Variants in SSH2 observed in about 807,000 individuals in gnomAD.
The protein encoded by SSH2 is protein phosphatase Slingshot homolog 2.
A neutral mutation model predicts 135.2 loss-of-function variants in SSH2; 37 were observed. The ratio of observed to expected loss-of-function variants is 0.27; its 90% CI spans 0.21 to 0.36. The LOEUF (loss-of-function observed/expected upper bound fraction) is 0.36. Among genes scored for constraint, SSH2 ranks in the 10% least tolerant of loss-of-function variants. SSH2 has a pLI of 1.00. For missense variants in SSH2, 1,408 were observed against 1,765.3 expected, an observed-to-expected ratio of 0.80 and a Z score of 3.63; for synonymous variants, 628 against 646.2, an observed-to-expected ratio of 0.97 and a Z score of 0.43.
chr17:29,910,143 G>A (rs1244222735), intron 1 of SSH2, among the ~76,000 whole-genome samples: 2 of 152,038 alleles, frequency 1.3e-5, no homozygotes. Flanking sequence ...ACGAAGTCTT[G>A]CTATGTTGCC....
intron 11 of SSH2, among the ~76,000 whole-genome samples, chr17:29,660,027 A>C (rs898905054): frequency 6.7e-6 from 1 of 149,392 alleles, no homozygotes; most frequent in African/African-American, 2.5e-5. Flanking sequence ...GATGGGTTTC[A>C]CCATGTTGGC....
intron 3 of SSH2, among the ~76,000 whole-genome samples, chr17:29,711,102 C>T (rs1400795004): frequency 6.6e-6 from 1 of 152,144 alleles, no homozygotes; most frequent in African/African-American, 2.4e-5. Flanking sequence ...CATGAGTAAA[C>T]CAATTACCGG....
intron 12 of SSH2, among the ~76,000 whole-genome samples, chr17:29,653,209 GGCCTTAATGTCAAAATTACCCTT>G (rs928763781): frequency 2.0e-5 from 3 of 152,196 alleles, no homozygotes; most frequent in Admixed American, 2.0e-4. Context: ...GGATGGAAAT[GGCCTTAATGTCAAAATTACCCTT>G]GAAAATCCCA....
At chr17:29,738,793 A>G (rs1270851871) in intron 3 of SSH2, among the ~76,000 whole-genome samples, 2 of 151,982 alleles carry the variant, frequency 1.3e-5, no homozygotes, top group African/African-American at 4.8e-5. Context: ...TGACCTTGTG[A>G]TCCGCCCGCC....
intron 14 of SSH2, among the ~76,000 whole-genome samples, chr17:29,642,793 G>C (rs2036219166): frequency 6.6e-6 from 1 of 152,122 alleles, no homozygotes; most frequent in South Asian, 2.1e-4. Flanking sequence ...CTCTGATTAA[G>C]ACTGTAACCA....
Position 29,773,212 on chromosome 17 carries a change from C to T in SSH2, c.188+20682G>A, listed in dbSNP as rs2041625848. 1.3e-5 allele frequency among the ~76,000 whole-genome samples: 2 copies of T among 152,210 alleles called. 1 individual carries two copies. Among genetic ancestry groups the T allele is most frequent in the Admixed American group, 1.3e-4 (2 of 15,270 alleles). Reference sequence around the variant, plus strand: ...GTATATAAAAAGAAAATCAACACTGCACACTTGGAATCCTACCTAACTAAA... The same window carrying T: ...GTATATAAAAAGAAAATCAACACTGTACACTTGGAATCCTACCTAACTAAA... On this transcript the variant is annotated intron_variant, in intron 3 of 15. Transcript: ENST00000540801.
chr17:29,738,125 T>G (rs1047900835), intron 3 of SSH2, among the ~76,000 whole-genome samples: 1 of 152,224 alleles, frequency 6.6e-6, no homozygotes, highest in Admixed American at 6.5e-5. Context: ...CCCCACCCTG[T>G]GTCCAAGTGT....
rs564168200 is a variant in SSH2 at position 29,744,177 on chromosome 17, C to T, written c.189-41115G>A. Among the ~76,000 whole-genome samples, 32 of 151,832 alleles carry T rather than the reference C, an allele frequency of 2.1e-4. No homozygotes were observed. The South Asian group carries it at 5.0e-3, about 24-fold the overall frequency. On this transcript the variant is annotated intron_variant, in intron 3 of 15. Transcript: ENST00000540801. Reference sequence around the variant, plus strand: ...CTGGGGTAGGAGGGGGAGTGGGGGGCGCAGCTGGCCCGCTGCCGGGGGTGA... The same window carrying T: ...CTGGGGTAGGAGGGGGAGTGGGGGGTGCAGCTGGCCCGCTGCCGGGGGTGA...
At chr17:29,743,564 G>A (rs1261636022) in intron 3 of SSH2, among the ~76,000 whole-genome samples, 1 of 152,140 alleles carries the variant, frequency 6.6e-6, no homozygotes, top group Admixed American at 6.6e-5. Flanking sequence ...AGTAGACTAC[G>A]ATAACTGGGA....
rs1376408056 is a variant in SSH2 at position 29,626,175 on chromosome 17, CAT to C, written c.*4664_*4665del. 1 of 151,674 alleles carries C rather than the reference CAT, an allele frequency of 6.6e-6. No homozygotes were observed. The highest frequency in any genetic ancestry group is 1.5e-5 in the Non-Finnish European group (1 of 67,940). The allele number at this position is 151,674 out of a possible 1,614,324, so 9.4% of individuals were successfully genotyped here. A position where few individuals can be genotyped will look rare whatever the true frequency, so the allele number is the denominator to read the frequency against. ...CCAGGGAGCACCTGCTTTAATAAAACATGAGCATAAAAGTTTGGGGTGGCTTG... is the reference window on the plus strand; with the variant it reads ...CCAGGGAGCACCTGCTTTAATAAAACGAGCATAAAAGTTTGGGGTGGCTTG... On this transcript the variant is annotated 3_prime_UTR_variant, in exon 16 of 16. Coordinates refer to ENST00000540801, the MANE Select transcript of SSH2 (RefSeq NM_001282129.2).
chr17:29,890,343 C>A (rs991240827), intron 1 of SSH2, among the ~76,000 whole-genome samples: 1 of 152,156 alleles, frequency 6.6e-6, no homozygotes, highest in Non-Finnish European at 1.5e-5. Flanking sequence ...TATGTCCATA[C>A]AGAAACTTGT....
chr17:29,636,516 C>T lies in SSH2; in HGVS notation c.1714G>A (p.Glu572Lys), dbSNP rs149368411. 1.7e-4 allele frequency: 278 copies of T among 1,614,198 alleles called. 1 individual carries two copies. The African/African-American group carries it at 3.1e-3, about 18-fold the overall frequency. ...REFHAGQIED[E>K]LNLNDINGCS... ...CCATTGATGTCATTTAAGTTTAATT[C>T]ATCCTCAATCTGTCCAGCATGAAAT... The change falls in exon 15 of 16, where the codon GAA (glutamate) becomes AAA (lysine). Residue 572 changes from glutamate (E) to lysine (K), a missense_variant. This residue lies in a region of SSH2 where 1,080 missense variants were observed against 1,144.5 expected (regional missense o/e 0.94). Transcript: ENST00000540801.
chr17:29,830,645 G>A (rs1264883626), intron 2 of SSH2, among the ~76,000 whole-genome samples: 1 of 152,300 alleles, frequency 6.6e-6, no homozygotes, highest in East Asian at 1.9e-4. Context: ...GCACATAGGA[G>A]GTACTCAGCA....
intron 6 of SSH2, among the ~76,000 whole-genome samples, chr17:29,678,561 T>C (rs2037823767): frequency 6.6e-6 from 1 of 152,108 alleles, no homozygotes; most frequent in Non-Finnish European, 1.5e-5. Flanking sequence ...TAGTTTGTGA[T>C]CAAGATAGGC....
intron 2 of SSH2, among the ~76,000 whole-genome samples, chr17:29,795,764 G>A (rs929775205): frequency 1.8e-4 from 27 of 151,136 alleles, no homozygotes; most frequent in African/African-American, 6.3e-4. Context: ...TTTTTTAGAC[G>A]TTGTCTCACT....
At chr17:29,775,264 T>C (rs189668116) in intron 3 of SSH2, among the ~76,000 whole-genome samples, 1 of 150,530 alleles carries the variant, frequency 6.6e-6, no homozygotes, top group East Asian at 2.0e-4. Context: ...CAAACTGGAG[T>C]GTGAAAAATG....
rs2042595227 is a variant in SSH2 at position 29,818,361 on chromosome 17, G to C, written c.145-24424C>G. Among the ~76,000 whole-genome samples the C allele has an allele frequency of 1.3e-5, 2 of 151,194 alleles. 1 individual carries two copies. The highest frequency in any genetic ancestry group is 2.9e-5 in the Non-Finnish European group (2 of 67,916). ...CCTCCTGGGTTCATGCCATTCTCCT[G>C]CCTCAGCCTCCCGAGTAGCTGGGAC... On this transcript the variant is annotated intron_variant, in intron 2 of 15. Transcript: ENST00000540801.
intron 3 of SSH2, among the ~76,000 whole-genome samples, chr17:29,770,055 T>C (rs2041536058): frequency 6.6e-6 from 1 of 151,796 alleles, no homozygotes; most frequent in African/African-American, 2.4e-5. Context: ...AGTGTATCAG[T>C]GTAACTACCT....
At chr17:29,756,526 C>A (rs1452441080) in intron 3 of SSH2, among the ~76,000 whole-genome samples, 1 of 130,328 alleles carries the variant, frequency 7.7e-6, no homozygotes, top group Non-Finnish European at 1.6e-5. Context: ...GAGACAGGGT[C>A]CTGCTACATT....
Sources: allele counts gnomAD v4.1 joint callset (sites outside exome capture counted in the v4.1 genomes callset), GRCh38; gene constraint gnomAD v4.1.1; regional missense constraint gnomAD v4.1.1; transcripts MANE v1.5; gene names NCBI Gene and HGNC (gene_info 2026-07-23, HGNC 2026-07-21).